CHRNA5: variants seen among roughly 807,000 people sequenced by gnomAD.
CHRNA5 encodes cholinergic receptor nicotinic alpha 5 subunit, also known as neuronal acetylcholine receptor subunit alpha-5.
Under a neutral mutation model 41.2 loss-of-function variants are expected in CHRNA5, and 28 were observed. The observed-to-expected ratio is 0.68, with a 90% CI of 0.50 to 0.93. The LOEUF (loss-of-function observed/expected upper bound fraction) is 0.93, where lower values mean the gene tolerates loss of function less well. CHRNA5 is among the 40% of genes least tolerant of loss of function. CHRNA5 has a pLI of 0.00. For missense variants in CHRNA5, 481 were observed against 581.9 expected (o/e 0.83, Z 1.78); for synonymous variants, 188 against 205.8 (o/e 0.91, Z 0.74).
chr15:78,581,622 A>G (rs1458796811), intron 2 of CHRNA5, among the ~76,000 whole-genome samples: 8 of 152,156 alleles, frequency 5.3e-5, no homozygotes. Context: ...ACATTTATAG[A>G]TGTGCTTTAT....
chr15:78,578,578 C>T (rs2052880627), intron 1 of CHRNA5, among the ~76,000 whole-genome samples: 1 of 152,086 alleles, frequency 6.6e-6, no homozygotes, highest in Admixed American at 6.5e-5. Flanking sequence ...GACACAAACT[C>T]TTGAGGAGTA....
chr15:78,584,425 C>T (rs973480653), intron 2 of CHRNA5, among the ~76,000 whole-genome samples: 15 of 152,240 alleles, frequency 9.9e-5, no homozygotes, highest in Non-Finnish European at 1.3e-4. Flanking sequence ...TGGGGATCAT[C>T]GTACATTTAT....
chr15:78,583,724 A>G (rs890809410), intron 2 of CHRNA5, among the ~76,000 whole-genome samples: 7 of 151,900 alleles, frequency 4.6e-5, no homozygotes, highest in African/African-American at 1.7e-4. Flanking sequence ...AATACTCTTC[A>G]TTGTTACGGG....
At position 78,580,765 on chromosome 15, in the gene CHRNA5, G is replaced by C. The variant is rs571610978; in HGVS notation, c.107-46G>C. Reference sequence around the variant, plus strand: ...TTTTGTTTGAAAGTACAGGTATCTGGTGGGAGAGAAGCGAGTACATTAACT... The same window carrying C: ...TTTTGTTTGAAAGTACAGGTATCTGCTGGGAGAGAAGCGAGTACATTAACT... On this transcript the variant is annotated intron_variant, in intron 1 of 5. Coordinates refer to ENST00000299565, the Ensembl canonical transcript of CHRNA5. The C allele has an allele frequency of 2.6e-5, 40 of 1,528,090 alleles. No homozygotes were observed. The East Asian group carries it at 7.9e-4, about 30-fold the overall frequency. The allele number at this position is 1,528,090 out of a possible 1,614,324, so 94.7% of individuals were successfully genotyped here.
chr15:78,577,362 TAAG>T (rs2052868314), intron 1 of CHRNA5, among the ~76,000 whole-genome samples: 1 of 152,198 alleles, frequency 6.6e-6, no homozygotes, highest in African/African-American at 2.4e-5. Context: ...GCATGACTGC[TAAG>T]AAGAATTTAA....
At chr15:78,566,596 G>T (rs12908606) in intron 1 of CHRNA5, among the ~76,000 whole-genome samples, 4,640 of 152,276 alleles carry the variant, frequency 0.03, 107 homozygotes, top group Non-Finnish European at 0.05. Context: ...CTAAGCATCC[G>T]TTAAGCAAGA....
rs1465528500 is a variant in CHRNA5 at position 78,588,848 on chromosome 15, A to C, written c.413+425A>C. 1.3e-5 allele frequency among the ~76,000 whole-genome samples: 2 copies of C among 150,372 alleles called. No homozygotes were observed. Among genetic ancestry groups the C allele is most frequent in the Non-Finnish European group, 2.9e-5 (2 of 67,802 alleles). ...GGAATGCTGGGTTAATTATCAATTC[A>C]TCTTTAGAGGCATCCTACCTAGGTG... On this transcript the variant is annotated intron_variant, in intron 4 of 5. Transcript: ENST00000299565. This position sits in a 1 kb window ranked among gnomAD's most constrained non-coding sequence, Gnocchi z 4.1.
intron 1 of CHRNA5, among the ~76,000 whole-genome samples, chr15:78,568,224 C>T (rs1037570769): frequency 2.0e-5 from 3 of 152,070 alleles, no homozygotes; most frequent in South Asian, 2.1e-4. Context: ...GGCTGATGAA[C>T]GGTCACAGAG....
intron 1 of CHRNA5, among the ~76,000 whole-genome samples, chr15:78,572,593 C>T (rs2052815678): frequency 1.3e-5 from 2 of 152,086 alleles, no homozygotes; most frequent in Admixed American, 1.3e-4. Flanking sequence ...AAGTGATTCT[C>T]CTGCCTCAGC....
exon 5 of CHRNA5, chr15:78,590,202 G>A: frequency 6.2e-7 from 1 of 1,613,904 alleles, no homozygotes; most frequent in Admixed American, 1.7e-5. Context: ...AACTGTACTT[G>A]TCTTCTATCT....
At chr15:78,572,703 G>A (rs1218739793) in intron 1 of CHRNA5, among the ~76,000 whole-genome samples, 1 of 152,002 alleles carries the variant, frequency 6.6e-6, no homozygotes, top group Non-Finnish European at 1.5e-5. Context: ...TACTGGTCTC[G>A]AACTCCCGAC....
At chr15:78,589,706 C>T in intron 4 of CHRNA5, 99 bp from the exon 5 acceptor site, 1 of 909,752 alleles carries the variant, frequency 1.1e-6, no homozygotes, top group Non-Finnish European at 1.7e-6. Flanking sequence ...TTATTTCATG[C>T]AATCAATGAT....
At chr15:78,585,842 T>A (rs2052956379) in intron 2 of CHRNA5, among the ~76,000 whole-genome samples, 1 of 148,674 alleles carries the variant, frequency 6.7e-6, no homozygotes, top group African/African-American at 2.5e-5. Flanking sequence ...TGTAGTGCAG[T>A]GGCATGATCT....
Position 78,588,457 on chromosome 15 carries a change from C to A in CHRNA5, c.413+34C>A. 3 of 1,020,012 alleles carry A rather than the reference C, an allele frequency of 2.9e-6. No homozygotes were observed. The highest frequency in any genetic ancestry group is 2.8e-6 in the Non-Finnish European group (2 of 717,566). 63.2% of individuals were successfully genotyped at this position (1,020,012 alleles called of 1,614,324 possible). A position where few individuals can be genotyped will look rare whatever the true frequency, so the allele number is the denominator to read the frequency against. On this transcript the variant is annotated intron_variant, in intron 4 of 5. Transcript: ENST00000299565. The surrounding 1 kb of genome is among the most constrained non-coding windows in gnomAD (Gnocchi z 4.1). The stretch of plus-strand genomic sequence containing the variant: ...TATTCTAAATATAGTTTTATATTTT[C>A]AAAAGAAAACATTTGTATTTCTATT...
At chr15:78,579,503 C>T (rs1028706634) in intron 1 of CHRNA5, among the ~76,000 whole-genome samples, 1 of 152,202 alleles carries the variant, frequency 6.6e-6, no homozygotes, top group African/African-American at 2.4e-5. Flanking sequence ...ATCTGTCCGC[C>T]TCAGCTTCCC....
chr15:78,589,278 T>C (rs2052988277), intron 4 of CHRNA5: 1 of 152,424 alleles, frequency 6.6e-6, no homozygotes, highest in Non-Finnish European at 1.5e-5. Context: ...TCCTAGTATA[T>C]GGATTCTATA....
Position 78,593,085 on chromosome 15 carries a change from CT to C in CHRNA5, c.1246-6del, listed in dbSNP as rs748171498. ...TATTTAATGCATTTTTATTTTTTTC[CT>C]AACAGGTTGTTGAAGATTGGAAATT... On this transcript the variant is annotated splice_polypyrimidine_tract_variant and splice_region_variant and intron_variant, in intron 5 of 5. Coordinates refer to ENST00000299565, the Ensembl canonical transcript of CHRNA5. 3 of 1,596,328 alleles carry C rather than the reference CT, an allele frequency of 1.9e-6. No individual in the cohort carries two copies. The highest frequency in any genetic ancestry group is 1.8e-5 in the Admixed American group (1 of 55,494).
exon 5 of CHRNA5, chr15:78,589,878 C>T: frequency 6.2e-7 from 1 of 1,614,032 alleles, no homozygotes; most frequent in South Asian, 1.1e-5. Context: ...CTGGACTCCA[C>T]CGGCAAACTA....
At chr15:78,575,283 A>G (rs2052846867) in intron 1 of CHRNA5, among the ~76,000 whole-genome samples, 1 of 152,188 alleles carries the variant, frequency 6.6e-6, no homozygotes, top group Non-Finnish European at 1.5e-5. Flanking sequence ...TGTTAGTGAC[A>G]TTACTGTATA....
Sources: gnomAD v4.1 joint callset for allele counts (sites outside exome capture counted in the v4.1 genomes callset) on GRCh38, gnomAD v4.1.1 for gene constraint, Gnocchi (gnomAD v3.1) non-coding constraint, MANE v1.5 for transcripts, NCBI Gene and HGNC (gene_info 2026-07-23, HGNC 2026-07-21) for gene names.